The following CMBL variants were observed in gnomAD, a reference collection of about 807,000 sequenced individuals.
CMBL encodes the protein carboxymethylenebutenolidase homolog (Pseudomonas).
In CMBL, 17 loss-of-function variants were observed where a neutral mutation model predicts 28.7. That is an observed-to-expected ratio of 0.59 (90% CI 0.41 to 0.89). CMBL has a LOEUF of 0.89. Ranked by LOEUF, CMBL falls within the 40% of genes least tolerant of loss-of-function variation. The pLI is 0.00. For synonymous variants in CMBL, 106 were observed against 101.6 expected (o/e 1.04, Z -0.26); for missense variants, 310 against 298.5 (o/e 1.04, Z -0.28).
rs1167977530 is a variant in CMBL, at chr5:10,279,290, A to T, written c.*1163T>A. The T allele has an allele frequency of 6.6e-6, 1 of 152,140 alleles. No individual in the cohort carries two copies. Among genetic ancestry groups the T allele is most frequent in the Non-Finnish European group, 1.5e-5 (1 of 68,020 alleles). The allele number at this position is 152,140 out of a possible 1,614,324, so 9.4% of individuals were successfully genotyped here. On this transcript the variant is annotated 3_prime_UTR_variant, in exon 6 of 6. Transcript: ENST00000296658. The stretch of plus-strand genomic sequence containing the variant: ...AAGCTGCAAATTCAAAAATTCAAAA[A>T]ATTAGTTTATTAGCTTAATATAATT...
intron 1 of CMBL, 81 bp from the exon 2 acceptor site, chr5:10,290,862 AT>A: frequency 9.3e-7 from 1 of 1,075,340 alleles, no homozygotes; most frequent in Non-Finnish European, 1.4e-6. Context: ...TCAAATCAAG[AT>A]TATAGAAAAA....
rs1022097489 is a variant in CMBL, at chr5:10,289,146, T to C, written c.216-617A>G. On this transcript the variant is annotated intron_variant, in intron 2 of 5. Transcript: ENST00000296658. This position sits in a 1 kb window ranked among gnomAD's most constrained non-coding sequence, Gnocchi z 4.3. ...TGGGGTTGAGTCCTGTTTCCCAAAA[T>C]AGAATTGCCACCTGGTTGGAGGAAC... Among the ~76,000 whole-genome samples the C allele has an allele frequency of 2.6e-5, 4 of 152,050 alleles. No individual in the cohort carries two copies. Among genetic ancestry groups the C allele is most frequent in the Non-Finnish European group, 5.9e-5 (4 of 68,000 alleles).
At position 10,286,349 on chromosome 5, in the gene CMBL, T is replaced by C; in HGVS notation, c.466+5A>G. 1 of 1,612,794 alleles carries C rather than the reference T, an allele frequency of 6.2e-7. No individual in the cohort carries two copies. Among genetic ancestry groups the C allele is most frequent in the Non-Finnish European group, 8.5e-7 (1 of 1,179,362 alleles). On this transcript the variant is annotated splice_donor_5th_base_variant and intron_variant, in intron 4 of 5. Coordinates refer to ENST00000296658, the MANE Select transcript of CMBL (RefSeq NM_138809.4). ...ATGGAGTAAAAATGCACAAGGCAGA[T>C]TTACCATAGACGGACACCCCTGCCC...
rs959083153 is a variant in CMBL at position 10,280,386 on chromosome 5, G to A, written c.*67C>T. 19 of 1,133,146 alleles carry A rather than the reference G, an allele frequency of 1.7e-5. No homozygotes were observed. Among genetic ancestry groups the A allele is most frequent in the Non-Finnish European group, 2.3e-5 (19 of 810,896 alleles). 70.2% of individuals were successfully genotyped at this position (1,133,146 alleles called of 1,614,324 possible). A position where few individuals can be genotyped will look rare whatever the true frequency, so the allele number is the denominator to read the frequency against. ...TATAAAAGTGAAAATTAAATCAAATGATCTAACTATTTCCAAGCAAATTTT... is the reference window on the plus strand; with the variant it reads ...TATAAAAGTGAAAATTAAATCAAATAATCTAACTATTTCCAAGCAAATTTT... On this transcript the variant is annotated 3_prime_UTR_variant, in exon 6 of 6. Transcript: ENST00000296658.
In CMBL at chr5:10,280,563, G is replaced by T. The variant is rs1010283007; in HGVS notation, c.628C>A (p.Gln210Lys). The T allele has an allele frequency of 6.2e-7, 1 of 1,613,716 alleles. No individual in the cohort carries two copies. Among genetic ancestry groups the T allele is most frequent in the Non-Finnish European group, 8.5e-7 (1 of 1,179,704 alleles). The change falls in exon 6 of 6, where the codon CAG becomes AAG. Residue 210 changes from glutamine to lysine, a missense_variant. By Grantham distance (53) the Gln-to-Lys change is moderately conservative. Transcript: ENST00000296658. The part of the protein sequence containing the change: ...VEYQIKTFSG[Q>K]THGFVHRKRE... Reference sequence around the variant, plus strand: ...TTCCGATGCACGAACCCATGAGTCTGCCCAGAAAATGTTTTAATTTGATAT... The same window carrying T: ...TTCCGATGCACGAACCCATGAGTCTTCCCAGAAAATGTTTTAATTTGATAT...
intron 4 of CMBL, 118 bp downstream of exon 4, chr5:10,286,236 G>A (rs1043155535): frequency 1.1e-5 from 11 of 993,432 alleles, no homozygotes; most frequent in East Asian, 5.0e-5. Context: ...ATTTCCATAA[G>A]ATGGGCAGTC....
chr5:10,290,547 C>T lies in CMBL; in HGVS notation c.215+1G>A, dbSNP rs762782155. ...ACAAAGAAACACAACTTTATACATACGTGTATCCATTTCCTGAGATCATGT... is the reference window on the plus strand; with the variant it reads ...ACAAAGAAACACAACTTTATACATATGTGTATCCATTTCCTGAGATCATGT... On this transcript the variant is annotated splice_donor_variant, in intron 2 of 5. Coordinates refer to ENST00000296658, the MANE Select transcript of CMBL (RefSeq NM_138809.4). LOFTEE classifies it high-confidence loss of function. 1.5e-5 allele frequency: 24 copies of T among 1,606,286 alleles called. No homozygotes were observed. Among genetic ancestry groups the T allele is most frequent in the Admixed American group, 5.0e-5 (3 of 59,996 alleles).
At chr5:10,300,045 C>T (rs1318479245) in intron 1 of CMBL, among the ~76,000 whole-genome samples, 1 of 152,170 alleles carries the variant, frequency 6.6e-6, no homozygotes, top group Admixed American at 6.5e-5. Context: ...TCCTATCCCC[C>T]ACTCCCCGTG....
intron 1 of CMBL, among the ~76,000 whole-genome samples, chr5:10,293,978 C>T (rs902050664): frequency 1.3e-5 from 2 of 152,146 alleles, no homozygotes; most frequent in Non-Finnish European, 2.9e-5. Context: ...TATTGGGGAA[C>T]AGCTTGTTGG....
intron 4 of CMBL, 35 bp from the exon 5 acceptor site, chr5:10,282,323 C>G (rs772761983): frequency 8.1e-7 from 1 of 1,236,576 alleles, no homozygotes; most frequent in Non-Finnish European, 1.2e-6. Context: ...ATGTCTGATC[C>G]CCACACTCAT....
chr5:10,301,607 T>TTTTTG (rs1388635019), intron 1 of CMBL, among the ~76,000 whole-genome samples: 3 of 18,142 alleles, frequency 1.7e-4, no homozygotes, highest in African/African-American at 1.0e-3. Flanking sequence ...TCTTTTCGGG[T>TTTTTG]TTTTTTTTTT....
At chr5:10,290,155 G>A (rs368092749) in intron 2 of CMBL, among the ~76,000 whole-genome samples, 8 of 152,186 alleles carry the variant, frequency 5.3e-5, no homozygotes, top group African/African-American at 1.4e-4. Context: ...ACACCCTGCC[G>A]TCCAAATGGG....
At chr5:10,287,555 CA>C (rs994915491) in intron 3 of CMBL, among the ~76,000 whole-genome samples, 68 of 152,218 alleles carry the variant, frequency 4.5e-4, no homozygotes, top group African/African-American at 1.6e-3. Flanking sequence ...TACTCGGTGA[CA>C]GATGCACTAA....
intron 5 of CMBL, among the ~76,000 whole-genome samples, chr5:10,281,885 C>A (rs6860733): frequency 7.1e-6 from 1 of 139,968 alleles, no homozygotes; most frequent in Non-Finnish European, 1.5e-5. Context: ...TGAGGCCAGG[C>A]GTGGTGGCTC....
At chr5:10,307,089 A>G (rs1747012193) in intron 1 of CMBL, 1 of 152,216 alleles carries the variant, frequency 6.6e-6, no homozygotes, top group South Asian at 2.1e-4. Context: ...CCTACCCAGC[A>G]TTTAGGATGT....
rs1318854142 is a variant in CMBL, at chr5:10,290,528, A to T, written c.215+20T>A. On this transcript the variant is annotated intron_variant, in intron 2 of 5. Transcript: ENST00000296658. ...GAAATTTGTATGAATTTAAACAAAGAAACACAACTTTATACATACGTGTAT... is the reference window on the plus strand; with the variant it reads ...GAAATTTGTATGAATTTAAACAAAGTAACACAACTTTATACATACGTGTAT... The T allele has an allele frequency of 1.9e-6, 3 of 1,593,448 alleles. No homozygotes were observed. The highest frequency in any genetic ancestry group is 1.7e-6 in the Non-Finnish European group (2 of 1,161,312).
At chr5:10,305,339 C>A in intron 1 of CMBL, among the ~76,000 whole-genome samples, 1 of 152,030 alleles carries the variant, frequency 6.6e-6, no homozygotes, top group Middle Eastern at 3.2e-3. Context: ...ATGGTATGCA[C>A]AGGAGAGGAG....
At chr5:10,280,678 T>A in intron 5 of CMBL, 46 bp from the exon 6 acceptor site, 1 of 1,496,734 alleles carries the variant, frequency 6.7e-7, no homozygotes, top group Non-Finnish European at 9.2e-7. Context: ...AGTGATACTT[T>A]CCATTCTCCA....
chr5:10,297,631 G>A (rs1328657485), intron 1 of CMBL, among the ~76,000 whole-genome samples: 1 of 150,982 alleles, frequency 6.6e-6, no homozygotes, highest in African/African-American at 2.4e-5. Flanking sequence ...ACACAGGGAT[G>A]AGCCTTTTTT....
Sources: gnomAD v4.1 joint callset for allele counts (sites outside exome capture counted in the v4.1 genomes callset) on GRCh38, gnomAD v4.1.1 for gene constraint, Gnocchi (gnomAD v3.1) non-coding constraint, MANE v1.5 for transcripts, NCBI Gene and HGNC (gene_info 2026-07-23, HGNC 2026-07-21) for gene names.